PDE10A: variants seen among roughly 807,000 people sequenced by gnomAD.
PDE10A encodes phosphodiesterase 10A, also known as cAMP and cAMP-inhibited cGMP 3',5'-cyclic phosphodiesterase 10A.
A neutral mutation model predicts 97.7 loss-of-function variants in PDE10A; 39 were observed. That is an observed-to-expected ratio of 0.40 (90% CI 0.31 to 0.52). The LOEUF (loss-of-function observed/expected upper bound fraction) is 0.52, where lower values mean the gene tolerates loss of function less well. Ranked by LOEUF, PDE10A falls within the 20% of genes least tolerant of loss-of-function variation. The pLI is 0.56. For missense variants in PDE10A, 731 were observed against 1,047.8 expected (o/e 0.70, Z 4.17); for synonymous variants, 371 against 376.8 (o/e 0.98, Z 0.18).
chr6:165,587,425 G>C (rs943966305), intron 1 of PDE10A, among the ~76,000 whole-genome samples: 3 of 152,136 alleles, frequency 2.0e-5, no homozygotes, highest in Admixed American at 6.5e-5. Flanking sequence ...AATTTCCTTA[G>C]GTTCTTGGGT....
intron 1 of PDE10A, among the ~76,000 whole-genome samples, chr6:165,788,718 TAA>T (rs1778565447): frequency 6.6e-6 from 1 of 152,090 alleles, no homozygotes; most frequent in Non-Finnish European, 1.5e-5. Context: ...CTAGAAGAAA[TAA>T]GTCAGTTTTT....
chr6:165,624,920 T>C (rs73786686), intron 1 of PDE10A, among the ~76,000 whole-genome samples: 29,544 of 152,184 alleles, frequency 0.19, 4,360 homozygotes, highest in African/African-American at 0.42. Flanking sequence ...TTGGTAGGGA[T>C]ACACTCCAGC....
chr6:165,675,239 G>T (rs2128437807), intron 1 of PDE10A, among the ~76,000 whole-genome samples: 1 of 152,148 alleles, frequency 6.6e-6, no homozygotes, highest in African/African-American at 2.4e-5. Context: ...TGCTTTGTTT[G>T]TTTGTTTTTG....
chr6:165,510,366 T>C (rs917445343), intron 2 of PDE10A, among the ~76,000 whole-genome samples: 1 of 152,080 alleles, frequency 6.6e-6, no homozygotes, highest in African/African-American at 2.4e-5. Flanking sequence ...CTTGCATCCC[T>C]AGTATAAATT....
chr6:165,684,013 T>C (rs1330630106), intron 1 of PDE10A, among the ~76,000 whole-genome samples: 1 of 152,146 alleles, frequency 6.6e-6, no homozygotes, highest in African/African-American at 2.4e-5. Context: ...GAAGGCTTTC[T>C]GCCTAGAGTC....
chr6:165,866,190 C>A, intron 1 of PDE10A, among the ~76,000 whole-genome samples: 1 of 151,974 alleles, frequency 6.6e-6, no homozygotes, highest in Non-Finnish European at 1.5e-5. Flanking sequence ...AAGAAACTCA[C>A]TTCACCAGTA....
chr6:165,387,429 G>A (rs899693201), intron 17 of PDE10A, among the ~76,000 whole-genome samples: 2 of 152,022 alleles, frequency 1.3e-5, no homozygotes, highest in Non-Finnish European at 2.9e-5. Flanking sequence ...GGGAAACTGA[G>A]GGGAGAAAAA....
chr6:165,608,810 G>C (rs1408874374), intron 1 of PDE10A, among the ~76,000 whole-genome samples: 1 of 152,156 alleles, frequency 6.6e-6, no homozygotes, highest in Admixed American at 6.5e-5. Context: ...CATTCTAACT[G>C]GTGTGAGATG....
At chr6:165,884,241 GA>G (rs1241738864) in intron 1 of PDE10A, among the ~76,000 whole-genome samples, 7 of 152,198 alleles carry the variant, frequency 4.6e-5, no homozygotes, top group Non-Finnish European at 1.5e-5. Context: ...AAGGGTGGGG[GA>G]CAGGAAGTCA....
chr6:165,818,094 A>C (rs1306029441), intron 1 of PDE10A, among the ~76,000 whole-genome samples: 1 of 152,168 alleles, frequency 6.6e-6, no homozygotes, highest in Non-Finnish European at 1.5e-5. Flanking sequence ...AATTGTGATG[A>C]GGCTGCCCCA....
chr6:165,741,436 A>G (rs1252278754), intron 1 of PDE10A, among the ~76,000 whole-genome samples: 1 of 152,192 alleles, frequency 6.6e-6, no homozygotes, highest in African/African-American at 2.4e-5. Flanking sequence ...GATGGATCAA[A>G]ATTTTAAAGT....
At chr6:165,613,494 C>G (rs1787590211) in intron 1 of PDE10A, among the ~76,000 whole-genome samples, 1 of 151,964 alleles carries the variant, frequency 6.6e-6, no homozygotes, top group Non-Finnish European at 1.5e-5. Flanking sequence ...CAAAAATTAG[C>G]CAGGCGTGGT....
At chr6:165,616,058 C>T (rs975949241) in intron 1 of PDE10A, among the ~76,000 whole-genome samples, 2 of 152,130 alleles carry the variant, frequency 1.3e-5, no homozygotes, top group African/African-American at 4.8e-5. Flanking sequence ...TACTGACTTC[C>T]CAGTAAGTTG....
intron 8 of PDE10A, 43 bp from the exon 9 acceptor site, chr6:165,430,388 T>C (rs745354063): frequency 2.3e-6 from 3 of 1,303,372 alleles, no homozygotes; most frequent in Non-Finnish European, 3.3e-6. Flanking sequence ...AGATTTCTGC[T>C]TATTTCAAAA....
chr6:165,598,288 G>C (rs1279594127), intron 1 of PDE10A, among the ~76,000 whole-genome samples: 1 of 100,058 alleles, frequency 1.0e-5, no homozygotes, highest in Non-Finnish European at 2.0e-5. Flanking sequence ...ACAGATCTTA[G>C]AGAGAGAGAG....
intron 2 of PDE10A, among the ~76,000 whole-genome samples, chr6:165,515,016 G>A (rs1388417723): frequency 6.6e-6 from 1 of 152,132 alleles, no homozygotes; most frequent in African/African-American, 2.4e-5. Context: ...CTACAGAGCA[G>A]CAATTTTCAA....
chr6:165,894,230 T>A (rs6456029), intron 1 of PDE10A: 2 of 452,202 alleles, frequency 4.4e-6, no homozygotes, highest in Admixed American at 4.7e-5. Context: ...GAATATCATA[T>A]GTCTGTCCTG....
At chr6:165,725,491 C>G (rs566449658) in intron 1 of PDE10A, among the ~76,000 whole-genome samples, 1 of 152,170 alleles carries the variant, frequency 6.6e-6, no homozygotes, top group African/African-American at 2.4e-5. Context: ...AAGCCACAAC[C>G]CCATCATACA....
At chr6:165,770,726 C>A (rs930148880) in intron 1 of PDE10A, among the ~76,000 whole-genome samples, 12 of 152,208 alleles carry the variant, frequency 7.9e-5, no homozygotes, top group African/African-American at 2.2e-4. Flanking sequence ...GGGCATTAAC[C>A]TTCAAGCTGG....
Sources: gnomAD v4.1 joint callset for allele counts (sites outside exome capture counted in the v4.1 genomes callset) on GRCh38, gnomAD v4.1.1 for gene constraint, MANE v1.5 for transcripts, NCBI Gene and HGNC (gene_info 2026-07-23, HGNC 2026-07-21) for gene names.